Variants in CEP68 observed in about 807,000 individuals in gnomAD.
CEP68 encodes the protein centrosomal protein of 68 kDa.
Under a neutral mutation model 55.3 loss-of-function variants are expected in CEP68, and 26 were observed. That is an observed-to-expected ratio of 0.47 (90% CI 0.34 to 0.65). CEP68 has a LOEUF of 0.65. Among genes scored for constraint, CEP68 ranks in the 30% least tolerant of loss-of-function variants. The probability of loss-of-function intolerance (pLI) is 0.01; values close to 1 mark genes in which losing one functional copy is unlikely to be tolerated. For missense variants in CEP68, 957 were observed against 946.7 expected (o/e 1.01, Z -0.14); for synonymous variants, 402 against 383.2 (o/e 1.05, Z -0.57).
chr2:65,085,243 T>C lies in CEP68; in HGVS notation c.*1609T>C, dbSNP rs1668993794. On this transcript the variant is annotated 3_prime_UTR_variant, in exon 7 of 7. Coordinates refer to ENST00000377990, the MANE Select transcript of CEP68 (RefSeq NM_015147.3). ...TATAGAAACAAATTGGCCAATATTA[T>C]ACTAATTGAATGCAGAATGTGGCAT... 6.6e-6 allele frequency: 1 copy of C among 152,188 alleles called. No homozygotes were observed. The highest frequency in any genetic ancestry group is 2.4e-5 in the African/African-American group (1 of 41,442). 9.4% of individuals were successfully genotyped at this position (152,188 alleles called of 1,614,324 possible).
At chr2:65,067,399 G>A (rs553586281) in intron 1 of CEP68, among the ~76,000 whole-genome samples, 7 of 152,146 alleles carry the variant, frequency 4.6e-5, no homozygotes, top group African/African-American at 9.6e-5. Flanking sequence ...GAACAAAAGT[G>A]GGGGAAGGAT....
intron 1 of CEP68, among the ~76,000 whole-genome samples, chr2:65,059,797 G>A (rs1675822630): frequency 6.6e-6 from 1 of 152,126 alleles, no homozygotes; most frequent in African/African-American, 2.4e-5. Context: ...AAGGTTCTGG[G>A]GCAGGACCTG....
intron 1 of CEP68, among the ~76,000 whole-genome samples, chr2:65,064,647 T>C (rs1236338472): frequency 6.8e-6 from 1 of 147,724 alleles, no homozygotes; most frequent in Non-Finnish European, 1.5e-5. Flanking sequence ...GGCAGGAGAA[T>C]GGCGTGAACC....
chr2:65,061,050 G>T (rs896579053), intron 1 of CEP68, among the ~76,000 whole-genome samples: 1 of 152,118 alleles, frequency 6.6e-6, no homozygotes, highest in Non-Finnish European at 1.5e-5. Flanking sequence ...GGTGGTGGGT[G>T]CCTGTAATCC....
At chr2:65,080,797 A>T (rs1676975355) in intron 5 of CEP68, among the ~76,000 whole-genome samples, 1 of 152,016 alleles carries the variant, frequency 6.6e-6, no homozygotes, top group Non-Finnish European at 1.5e-5. Flanking sequence ...CAGCCTGGGC[A>T]ACAAGAGTAA....
chr2:65,072,100 AC>A lies in CEP68; in HGVS notation c.1006del (p.Leu336TrpfsTer83). Reference sequence around the variant, plus strand: ...CCTGTCCTGCAGGACTCCGGGGTAGACCTGGATAGCTTCTCTGTCTCTCCAG... The same window carrying A: ...CCTGTCCTGCAGGACTCCGGGGTAGACTGGATAGCTTCTCTGTCTCTCCAG... ...ADPVLQDSGVDLDSFSVSPAS... is the reference protein window; with the variant it reads ...ADPVLQDSGVXLDSFSVSPAS... On this transcript the variant is annotated frameshift_variant, in exon 3 of 7. Coordinates refer to ENST00000377990, the MANE Select transcript of CEP68 (RefSeq NM_015147.3). LOFTEE classifies it high-confidence loss of function. 6.2e-7 allele frequency: 1 copy of A among 1,613,952 alleles called. No homozygotes were observed. The highest frequency in any genetic ancestry group is 8.5e-7 in the Non-Finnish European group (1 of 1,180,002).
rs1487154333 is a variant in CEP68, at chr2:65,086,768, T to G, written c.*3134T>G. ...AACAAAACTTCTGAAGCATTAAAGA[T>G]CTTCACCAAAATAACTATTGGTAAC... On this transcript the variant is annotated 3_prime_UTR_variant, in exon 7 of 7. Transcript: ENST00000377990. 2 of 152,650 alleles carry G rather than the reference T, an allele frequency of 1.3e-5. No homozygotes were observed. The highest frequency in any genetic ancestry group is 4.8e-5 in the African/African-American group (2 of 41,460). The allele number at this position is 152,650 out of a possible 1,614,324, so 9.5% of individuals were successfully genotyped here. A position where few individuals can be genotyped will look rare whatever the true frequency, so the allele number is the denominator to read the frequency against.
intron 1 of CEP68, among the ~76,000 whole-genome samples, chr2:65,057,249 G>C (rs573831426): frequency 8.1e-4 from 123 of 152,352 alleles, no homozygotes; most frequent in Admixed American, 9.8e-4. Context: ...AATTCATCAG[G>C]ACCACGAAGG....
At position 65,082,611 on chromosome 2, in the gene CEP68, C is replaced by T. The variant is rs769202655; in HGVS notation, c.2180C>T (p.Ser727Phe). 1 of 1,611,690 alleles carries T rather than the reference C, an allele frequency of 6.2e-7. No homozygotes were observed. ...LESHADRLYD[S>F]ILASLDMLAG... is the part of the protein sequence containing the mutation. ...AGCCACGCAGATCGCCTGTATGACTCTATCTTGGCCTCTCTGGACATGCTG... is the reference window on the plus strand; with the variant it reads ...AGCCACGCAGATCGCCTGTATGACTTTATCTTGGCCTCTCTGGACATGCTG... The change falls in exon 6 of 7, where the codon TCT (serine) becomes TTT (phenylalanine). Residue 727 changes from serine to phenylalanine, a missense_variant. Transcript: ENST00000377990.
intron 1 of CEP68, among the ~76,000 whole-genome samples, chr2:65,065,024 G>T (rs1041764453): frequency 7.2e-5 from 11 of 152,184 alleles, no homozygotes; most frequent in African/African-American, 2.7e-4. Flanking sequence ...TTATTCCCCA[G>T]TTGGCTCATA....
chr2:65,073,445 G>A (rs1259021153), intron 3 of CEP68: 5 of 258,800 alleles, frequency 1.9e-5, no homozygotes, highest in African/African-American at 1.1e-4. Flanking sequence ...TAGGGGCATT[G>A]GATGTACTGT....
chr2:65,075,869 C>G (rs1230878910), intron 4 of CEP68, among the ~76,000 whole-genome samples: 2 of 152,052 alleles, frequency 1.3e-5, no homozygotes, highest in Admixed American at 1.3e-4. Flanking sequence ...GTGCTTGGGC[C>G]AGGGCTGAGC....
At chr2:65,081,118 G>A (rs1676988768) in intron 5 of CEP68, among the ~76,000 whole-genome samples, 1 of 151,904 alleles carries the variant, frequency 6.6e-6, no homozygotes, top group South Asian at 2.1e-4. Flanking sequence ...GGATGAGGCA[G>A]GAGAATCGCT....
chr2:65,069,927 TATG>T (rs750438837), intron 2 of CEP68, 126 bp downstream of exon 2: 41 of 886,120 alleles, frequency 4.6e-5, no homozygotes, highest in Non-Finnish European at 6.4e-5. Flanking sequence ...GGGGCCTGAG[TATG>T]ATGATTTCTG....
At chr2:65,080,532 A>C in intron 5 of CEP68, 5 of 985,352 alleles carry the variant, frequency 5.1e-6, no homozygotes, top group Non-Finnish European at 6.0e-6. Context: ...TAAAAGTTCA[A>C]AAGCGTCCGT....
intron 1 of CEP68, among the ~76,000 whole-genome samples, chr2:65,057,636 A>T (rs1375879904): frequency 6.6e-6 from 1 of 152,218 alleles, no homozygotes; most frequent in Non-Finnish European, 1.5e-5. Flanking sequence ...TGCTTGGAAC[A>T]TAAAAGGCAC....
intron 1 of CEP68, among the ~76,000 whole-genome samples, chr2:65,068,546 T>TC (rs1676307228): frequency 6.6e-6 from 1 of 152,210 alleles, no homozygotes; most frequent in Non-Finnish European, 1.5e-5. Flanking sequence ...GATCTCTTTC[T>TC]CTTTGGTCAC....
rs571524688 is a variant in CEP68, at chr2:65,069,529, C to A, written c.85C>A (p.Arg29=). Residue 29 remains arginine (R), a synonymous_variant, in exon 2 of 7, where the codon CGG becomes AGG. Transcript: ENST00000377990. Reference sequence around the variant, plus strand: ...CTATGGGAGAGGGAGCTGCAGGGAGCGGGAGCTGGACATCCCAGGGCCCAT... The same window carrying A: ...CTATGGGAGAGGGAGCTGCAGGGAGAGGGAGCTGGACATCCCAGGGCCCAT... The part of the protein sequence containing the change: ...QSYGRGSCRE[R]ELDIPGPMSG... 29 of 1,593,276 alleles carry A rather than the reference C, an allele frequency of 1.8e-5. No individual in the cohort carries two copies. The highest frequency in any genetic ancestry group is 2.0e-5 in the Non-Finnish European group (23 of 1,168,146).
chr2:65,077,891 A>C lies in CEP68; in HGVS notation c.2031A>C (p.Glu677Asp). 6.8e-6 allele frequency: 11 copies of C among 1,613,614 alleles called. No homozygotes were observed. The highest frequency in any genetic ancestry group is 9.3e-6 in the Non-Finnish European group (11 of 1,179,750). Reference sequence around the variant, plus strand: ...AGCAATTTAAGAAAGATATAGATGAACATCAGTCTCTGACGGAGAGTGTCT... The same window carrying C: ...AGCAATTTAAGAAAGATATAGATGACCATCAGTCTCTGACGGAGAGTGTCT... ...LYRQFKKDID[E>D]HQSLTESVLQ... is the part of the protein sequence containing the mutation. Residue 677 changes from glutamate to aspartate, a missense_variant, in exon 5 of 7, where the codon GAA becomes GAC. Physicochemically the swap from Glu to Asp is conservative, Grantham distance 45. Transcript: ENST00000377990.
Sources: gnomAD v4.1 joint callset for allele counts (sites outside exome capture counted in the v4.1 genomes callset) on GRCh38, gnomAD v4.1.1 for gene constraint, MANE v1.5 for transcripts, NCBI Gene and HGNC (gene_info 2026-07-23, HGNC 2026-07-21) for gene names.